Variants in RTL4 observed in about 807,000 individuals in gnomAD.
The protein encoded by RTL4 is retrotransposon Gag like 4, also known as retrotransposon Gag-like protein 4.
A neutral mutation model predicts 5.3 loss-of-function variants in RTL4; 4 were observed. The observed-to-expected ratio is 0.75, with a 90% confidence interval of 0.37 to 1.72. RTL4 has a LOEUF of 1.72. Ranked by LOEUF, RTL4 falls within the 40% of genes most tolerant of loss-of-function variation. The pLI, the probability that RTL4 is intolerant of heterozygous loss-of-function variation, is 0.04. For missense variants in RTL4, 260 were observed against 227.1 expected (o/e 1.14, Z -0.93); for synonymous variants, 98 against 87.3 (o/e 1.12, Z -0.68).
chrX:112,169,965 G>A, the RTL4 span, among the ~76,000 whole-genome samples: 9 of 112,083 alleles, frequency 8.0e-5, no homozygotes, highest in African/African-American at 2.6e-4. Flanking sequence ...CCAGTTTCAC[G>A]TTTCTGCATA....
chrX:112,370,849 T>C, the RTL4 span, among the ~76,000 whole-genome samples: 1 of 110,751 alleles, frequency 9.0e-6, no homozygotes, highest in South Asian at 3.8e-4. Flanking sequence ...TGATTTCTAA[T>C]TGAGGAGTGG....
At chrX:112,456,568 T>C (rs1000154433) in exon 1 of RTL4, 20 of 291,006 alleles carry the variant, frequency 6.9e-5, no homozygotes, top group Middle Eastern at 1.9e-3. Flanking sequence ...TCATAATTAC[T>C]GTATCTGTAG....
the RTL4 span, among the ~76,000 whole-genome samples, chrX:112,246,062 T>G: frequency 2.7e-5 from 3 of 111,935 alleles, no homozygotes; most frequent in Non-Finnish European, 3.8e-5. Flanking sequence ...GAACAGCAAA[T>G]ATTGCTGCCT....
the RTL4 span, among the ~76,000 whole-genome samples, chrX:112,434,464 G>C: frequency 2.7e-5 from 3 of 111,687 alleles, no homozygotes; most frequent in African/African-American, 9.8e-5. Context: ...AGTCTTGGGA[G>C]GGTGTATGTG....
At chrX:112,174,998 G>A in the RTL4 span, among the ~76,000 whole-genome samples, 2 of 76,504 alleles carry the variant, frequency 2.6e-5, no homozygotes, top group African/African-American at 4.5e-5. Flanking sequence ...CAGATGAGTA[G>A]GTTGCAAAAA....
At chrX:112,380,613 G>T in the RTL4 span, among the ~76,000 whole-genome samples, 1 of 112,193 alleles carries the variant, frequency 8.9e-6, no homozygotes, top group Non-Finnish European at 1.9e-5. Flanking sequence ...CCGGGGCCCC[G>T]CCCACCCGAC....
the RTL4 span, among the ~76,000 whole-genome samples, chrX:112,194,388 C>T: frequency 2.7e-5 from 3 of 110,561 alleles, no homozygotes; most frequent in Admixed American, 9.7e-5. Context: ...TATGAAGAGA[C>T]GTCAGAGAGT....
chrX:112,105,215 T>C, the RTL4 span, among the ~76,000 whole-genome samples: 1 of 111,867 alleles, frequency 8.9e-6, no homozygotes, highest in Non-Finnish European at 1.9e-5. Flanking sequence ...CTTGTACTTA[T>C]TTCTGGGCTT....
the RTL4 span, among the ~76,000 whole-genome samples, chrX:112,291,160 T>C: frequency 3.7e-5 from 4 of 109,045 alleles, no homozygotes; most frequent in Non-Finnish European, 7.6e-5. Flanking sequence ...AGCCCAGAGG[T>C]AGGATGAGGT....
chrX:112,335,361 A>T, the RTL4 span, among the ~76,000 whole-genome samples: 1 of 111,754 alleles, frequency 8.9e-6, no homozygotes, highest in Non-Finnish European at 1.9e-5. Flanking sequence ...ATCCTCTCCT[A>T]AAAGAAAGAA....
chrX:112,361,223 A>G, the RTL4 span, among the ~76,000 whole-genome samples: 5 of 111,286 alleles, frequency 4.5e-5, no homozygotes, highest in Admixed American at 4.8e-4. Flanking sequence ...ACAATTGGGG[A>G]AAAAGGACAT....
chrX:112,332,866 C>T, the RTL4 span, among the ~76,000 whole-genome samples: 4 of 111,089 alleles, frequency 3.6e-5, no homozygotes, highest in African/African-American at 1.3e-4. Flanking sequence ...AAATCTCCAA[C>T]TATTATTGTT....
chrX:112,373,555 T>C, the RTL4 span, among the ~76,000 whole-genome samples: 189 of 110,917 alleles, frequency 1.7e-3, no homozygotes, highest in African/African-American at 5.9e-3. Context: ...TGTGGCTTGT[T>C]TCTTTGCTCT....
chrX:112,172,306 C>T, the RTL4 span, among the ~76,000 whole-genome samples: 1 of 110,237 alleles, frequency 9.1e-6, no homozygotes, highest in African/African-American at 3.3e-5. Flanking sequence ...GCCTGGGTGA[C>T]AGAGTAAGAC....
the RTL4 span, among the ~76,000 whole-genome samples, chrX:112,156,438 CTG>C: frequency 8.9e-5 from 10 of 112,321 alleles, no homozygotes; most frequent in African/African-American, 2.6e-4. Flanking sequence ...GAAGACATAA[CTG>C]TACTCTAAAA....
At chrX:112,120,597 A>G in the RTL4 span, among the ~76,000 whole-genome samples, 1 of 78,333 alleles carries the variant, frequency 1.3e-5, no homozygotes, top group Non-Finnish European at 2.2e-5. Context: ...TTTTTTTTTT[A>G]GCACTTGGAA....
chrX:112,121,018 G>GA, the RTL4 span, among the ~76,000 whole-genome samples: 11 of 111,160 alleles, frequency 9.9e-5, no homozygotes, highest in Non-Finnish European at 1.7e-4. Context: ...GATAGGATCA[G>GA]AAAAAAATAA....
At chrX:112,169,122 AT>A in the RTL4 span, among the ~76,000 whole-genome samples, 20 of 44,751 alleles carry the variant, frequency 4.5e-4, no homozygotes, top group African/African-American at 1.7e-3. Flanking sequence ...TTTGGGTTTT[AT>A]TTTTTTTTGA....
At chrX:112,159,980 C>G in the RTL4 span, among the ~76,000 whole-genome samples, 1 of 111,650 alleles carries the variant, frequency 9.0e-6, no homozygotes, top group Admixed American at 9.5e-5. Context: ...TAGATCCTTT[C>G]CTCCTCACAT....
Sources: allele counts gnomAD v4.1 joint callset (sites outside exome capture counted in the v4.1 genomes callset), GRCh38; gene constraint gnomAD v4.1.1; transcripts MANE v1.5; gene names NCBI Gene and HGNC (gene_info 2026-07-23, HGNC 2026-07-21).